Variants in TTC7B observed in about 807,000 individuals in gnomAD.
TTC7B encodes tetratricopeptide repeat domain 7B, also known as tetratricopeptide repeat protein 7B.
A neutral mutation model predicts 106.8 loss-of-function variants in TTC7B; 28 were observed. The observed-to-expected ratio is 0.26, with a 90% CI of 0.19 to 0.36. The LOEUF (loss-of-function observed/expected upper bound fraction) is 0.36, where lower values mean the gene tolerates loss of function less well. Ranked by LOEUF, TTC7B falls within the 10% of genes least tolerant of loss-of-function variation. The pLI is 1.00. For synonymous variants in TTC7B, 405 were observed against 430.6 expected (o/e 0.94, Z 0.74); for missense variants, 862 against 1,076.4 (o/e 0.80, Z 2.79).
intron 15 of TTC7B, among the ~76,000 whole-genome samples, chr14:90,629,362 A>G (rs895909135): frequency 1.3e-5 from 2 of 152,196 alleles, no homozygotes; most frequent in Non-Finnish European, 2.9e-5. Context: ...TGGCTGGGTA[A>G]CCAGCAAGCA....
chr14:90,748,729 C>A (rs539983827), intron 3 of TTC7B, among the ~76,000 whole-genome samples: 1 of 152,216 alleles, frequency 6.6e-6, no homozygotes, highest in East Asian at 1.9e-4. Flanking sequence ...ATCTTATGTA[C>A]ATTTTACTTT....
rs77568047 is a variant in TTC7B, at chr14:90,682,755, G to A, written c.951-2220C>T. Among the ~76,000 whole-genome samples, 954 of 152,292 alleles carry A rather than the reference G, an allele frequency of 6.3e-3. 8 individuals carry two copies. The highest frequency in any genetic ancestry group is 0.022 in the African/African-American group (902 of 41,548). On this transcript the variant is annotated intron_variant, in intron 7 of 19. Coordinates refer to ENST00000328459, the MANE Select transcript of TTC7B (RefSeq NM_001010854.2). ...ACAAGAAGAAAACAGGGCTCAGCAG[G>A]CATGAGGACAAGCTCCCAAGAGCTG...
intron 5 of TTC7B, among the ~76,000 whole-genome samples, chr14:90,701,709 T>TATACACACACACACACAC (rs1555391267): frequency 6.7e-6 from 1 of 150,090 alleles, no homozygotes; most frequent in African/African-American, 2.5e-5. Context: ...TATATATATA[T>TATACACACACACACACAC]ACACACACAC....
At chr14:90,603,171 C>T (rs1892500347) in intron 17 of TTC7B, 1 of 1,003,974 alleles carries the variant, frequency 1.0e-6, no homozygotes, top group Non-Finnish European at 1.4e-6. Context: ...CAGCACTCAA[C>T]AACCACAATG....
At chr14:90,728,507 G>A (rs1889200623) in intron 5 of TTC7B, among the ~76,000 whole-genome samples, 2 of 152,050 alleles carry the variant, frequency 1.3e-5, no homozygotes, top group Non-Finnish European at 2.9e-5. Context: ...CTCGAATAAA[G>A]TAAAATAAAA....
intron 7 of TTC7B, among the ~76,000 whole-genome samples, chr14:90,686,484 G>A (rs1887256276): frequency 6.6e-6 from 1 of 151,902 alleles, no homozygotes; most frequent in Admixed American, 6.6e-5. Flanking sequence ...GGACAATTAA[G>A]GAAGAAAATA....
At position 90,786,293 on chromosome 14, in the gene TTC7B, G is replaced by A. The variant is rs1007451354; in HGVS notation, c.157C>T (p.Leu53=). ...GGGTGTTCCTTCAGGTACTGCTCCA[G>A]CTTCGACTCCCCGAGGAGAAGCTCT... ...MAELLLGESK[L]EQYLKEHPLR... Residue 53 remains leucine, a synonymous_variant, in exon 2 of 20, where the codon CTG becomes TTG. Coordinates refer to ENST00000328459, the MANE Select transcript of TTC7B (RefSeq NM_001010854.2). The A allele has an allele frequency of 3.1e-6, 5 of 1,613,408 alleles. No homozygotes were observed. Among genetic ancestry groups the A allele is most frequent in the Non-Finnish European group, 4.2e-6 (5 of 1,179,788 alleles).
intron 9 of TTC7B, among the ~76,000 whole-genome samples, chr14:90,666,010 C>A (rs1163865562): frequency 6.6e-6 from 1 of 152,170 alleles, no homozygotes; most frequent in Non-Finnish European, 1.5e-5. Context: ...CAATTTGAGG[C>A]CTTTGAGATT....
In TTC7B at chr14:90,684,868, T is replaced by C. The variant is rs181607180; in HGVS notation, c.951-4333A>G. Among the ~76,000 whole-genome samples the C allele has an allele frequency of 6.6e-5, 10 of 152,238 alleles. No individual in the cohort carries two copies. In the East Asian group the frequency reaches 1.9e-3, roughly 29 times the overall value. ...TTGATTTATTTTTCTCTATGTATGG[T>C]GTGTATCCAAAAAAGCTTACTCTAA... On this transcript the variant is annotated intron_variant, in intron 7 of 19. Coordinates refer to ENST00000328459, the MANE Select transcript of TTC7B (RefSeq NM_001010854.2).
Position 90,802,813 on chromosome 14 carries a change from G to A in TTC7B, c.121+13362C>T, listed in dbSNP as rs1257747165. Among the ~76,000 whole-genome samples, 4 of 152,040 alleles carry A rather than the reference G, an allele frequency of 2.6e-5. No homozygotes were observed. The highest frequency in any genetic ancestry group is 7.2e-5 in the African/African-American group (3 of 41,410). The stretch of plus-strand genomic sequence containing the variant: ...AGGGCAGGGACACTGTCAAGCAGCG[G>A]GGTTAGAAGAGAAGGGCACACACCT... On this transcript the variant is annotated intron_variant, in intron 1 of 19. Transcript: ENST00000328459. This position sits in a 1 kb window ranked among gnomAD's most constrained non-coding sequence, Gnocchi z 4.7.
chr14:90,620,105 C>T (rs564104453), intron 15 of TTC7B, among the ~76,000 whole-genome samples: 3 of 152,176 alleles, frequency 2.0e-5, no homozygotes, highest in South Asian at 2.1e-4. Context: ...AAGTCCAGGG[C>T]GGTGCGGTGC....
chr14:90,590,103 G>T (rs930571447), intron 18 of TTC7B, among the ~76,000 whole-genome samples: 1 of 152,120 alleles, frequency 6.6e-6, no homozygotes, highest in Non-Finnish European at 1.5e-5. Flanking sequence ...TGAGGCTCAG[G>T]GATAAGAGGG....
At chr14:90,684,130 C>T (rs1202686991) in intron 7 of TTC7B, among the ~76,000 whole-genome samples, 3 of 152,154 alleles carry the variant, frequency 2.0e-5, no homozygotes, top group Non-Finnish European at 4.4e-5. Flanking sequence ...CCGAGACCTA[C>T]AAAGGAGTTT....
intron 5 of TTC7B, among the ~76,000 whole-genome samples, chr14:90,724,519 C>T (rs1385019584): frequency 3.3e-5 from 5 of 152,140 alleles, no homozygotes; most frequent in South Asian, 2.1e-4. Flanking sequence ...CTCATGATAA[C>T]GAGTGAGTTC....
In TTC7B at chr14:90,528,525, G is replaced by A. The variant is rs1360720496; in HGVS notation, c.*12843C>T. ...GTGCGCTTCGTTACCCGTTTCTGAT[G>A]GCATGACCCGACTGCACTTTGTTAC... On this transcript the variant is annotated 3_prime_UTR_variant, in exon 20 of 20. Coordinates refer to ENST00000328459, the MANE Select transcript of TTC7B (RefSeq NM_001010854.2). The A allele has an allele frequency of 6.5e-6, 1 of 153,144 alleles. No individual in the cohort carries two copies. Among genetic ancestry groups the A allele is most frequent in the Non-Finnish European group, 1.5e-5 (1 of 68,800 alleles). The allele number at this position is 153,144 out of a possible 1,614,324, so 9.5% of individuals were successfully genotyped here.
At chr14:90,671,032 C>T (rs1378292961) in intron 9 of TTC7B, among the ~76,000 whole-genome samples, 1 of 152,190 alleles carries the variant, frequency 6.6e-6, no homozygotes, top group Non-Finnish European at 1.5e-5. Context: ...ATTAGCCAAA[C>T]ACCCTGCCTT....
chr14:90,725,732 T>A (rs969014257), intron 5 of TTC7B, among the ~76,000 whole-genome samples: 1 of 152,108 alleles, frequency 6.6e-6, no homozygotes, highest in East Asian at 1.9e-4. Flanking sequence ...CATGGGTGCA[T>A]CTCCCGGCTG....
At chr14:90,737,260 A>G (rs927962807) in intron 4 of TTC7B, among the ~76,000 whole-genome samples, 2 of 152,064 alleles carry the variant, frequency 1.3e-5, no homozygotes, top group Middle Eastern at 3.4e-3. Context: ...CAGAAATTCC[A>G]CTGGTAAATA....
At position 90,637,349 on chromosome 14, in the gene TTC7B, C is replaced by T. The variant is rs77053988; in HGVS notation, c.1751+6699G>A. ...TAATAAAAAAAAAGAAATAGAAGAC[C>T]TGAATAGACTATAATTATTTTTAAA... On this transcript the variant is annotated intron_variant, in intron 15 of 19. Coordinates refer to ENST00000328459, the MANE Select transcript of TTC7B (RefSeq NM_001010854.2). Among the ~76,000 whole-genome samples the T allele has an allele frequency of 7.8e-3, 1,190 of 151,648 alleles. 9 individuals are homozygous for T. Among genetic ancestry groups the T allele is most frequent in the African/African-American group, 0.027 (1,098 of 41,332 alleles).
Sources: allele counts gnomAD v4.1 joint callset (sites outside exome capture counted in the v4.1 genomes callset), GRCh38; gene constraint gnomAD v4.1.1; non-coding constraint Gnocchi (gnomAD v3.1); transcripts MANE v1.5; gene names NCBI Gene and HGNC (gene_info 2026-07-23, HGNC 2026-07-21).